Variants in KCNIP1 observed in about 807,000 individuals in gnomAD.
KCNIP1 encodes the protein A-type potassium channel modulatory protein KCNIP1.
In KCNIP1, 18 loss-of-function variants were observed where a neutral mutation model predicts 33.0. The observed-to-expected ratio is 0.55, with a 90% CI of 0.38 to 0.81. The LOEUF is 0.81. KCNIP1 is among the 30% of genes least tolerant of loss of function. KCNIP1 has a pLI of 0.00. For missense variants in KCNIP1, 238 were observed against 271.6 expected (o/e 0.88, Z 0.87); for synonymous variants, 93 against 98.3 (o/e 0.95, Z 0.32).
At chr5:170,533,542 C>T (rs1755860214) in intron 1 of KCNIP1, among the ~76,000 whole-genome samples, 1 of 152,196 alleles carries the variant, frequency 6.6e-6, no homozygotes, top group South Asian at 2.1e-4. Context: ...GCAGGTGGCA[C>T]AGTGCCTGGA....
intron 1 of KCNIP1, among the ~76,000 whole-genome samples, chr5:170,607,376 C>G (rs889913813): frequency 6.6e-6 from 1 of 152,170 alleles, no homozygotes; most frequent in Non-Finnish European, 1.5e-5. Flanking sequence ...TTTATCTAAG[C>G]ATCATTATCA....
intron 1 of KCNIP1, among the ~76,000 whole-genome samples, chr5:170,611,836 A>G (rs1442350370): frequency 6.6e-6 from 1 of 152,226 alleles, no homozygotes; most frequent in African/African-American, 2.4e-5. Context: ...AGAAGGGAGA[A>G]TCGCTACTGA....
intron 1 of KCNIP1, among the ~76,000 whole-genome samples, chr5:170,663,445 A>G (rs1427732437): frequency 2.0e-5 from 3 of 152,158 alleles, no homozygotes; most frequent in Non-Finnish European, 4.4e-5. Flanking sequence ...CAGCAGCTGC[A>G]CCAGGCCAGC....
At chr5:170,616,731 C>G (rs1265384376) in intron 1 of KCNIP1, among the ~76,000 whole-genome samples, 2 of 152,206 alleles carry the variant, frequency 1.3e-5, no homozygotes, top group Admixed American at 1.3e-4. Context: ...CCACACTGCA[C>G]CTTCATCCAG....
intron 1 of KCNIP1, among the ~76,000 whole-genome samples, chr5:170,495,699 A>G (rs911865567): frequency 5.9e-5 from 9 of 152,182 alleles, no homozygotes; most frequent in Non-Finnish European, 1.2e-4. Context: ...AGATGTGACC[A>G]TTGTTTCCGT....
rs917219582 is a variant in KCNIP1, at chr5:170,378,555, G to T, written c.88+24591G>T. ...TGACTTCACAAAAGGATTTCTCAAA[G>T]GTTAGTCCTGCAACAGAAGACAGCG... On this transcript the variant is annotated intron_variant, in intron 1 of 7. Transcript: ENST00000377360. The T allele has an allele frequency of 1.4e-5, 12 of 858,436 alleles. No individual in the cohort carries two copies. The African/African-American group carries it at 1.9e-4, about 13-fold the overall frequency. The allele number at this position is 858,436 out of a possible 1,614,324, so 53.2% of individuals were successfully genotyped here.
At chr5:170,716,502 G>A (rs1368013247) in intron 1 of KCNIP1, among the ~76,000 whole-genome samples, 4 of 152,150 alleles carry the variant, frequency 2.6e-5, no homozygotes, top group Non-Finnish European at 2.9e-5. Flanking sequence ...CACAACCGAT[G>A]TTACCACAGC....
intron 2 of KCNIP1, among the ~76,000 whole-genome samples, 177 bp downstream of exon 2, chr5:170,719,059 G>A (rs1039767446): frequency 1.2e-4 from 18 of 152,134 alleles, no homozygotes; most frequent in Non-Finnish European, 5.9e-5. Flanking sequence ...GGCTCCAGGC[G>A]AGGATGGAGC....
intron 1 of KCNIP1, among the ~76,000 whole-genome samples, chr5:170,476,560 C>G (rs191826319): frequency 0.065 from 9,910 of 152,108 alleles, 642 homozygotes; most frequent in African/African-American, 0.15. Context: ...TAAAAAATAG[C>G]AGTATGACAA....
intron 1 of KCNIP1, among the ~76,000 whole-genome samples, chr5:170,573,166 T>C (rs28669867): frequency 0.073 from 11,104 of 152,274 alleles, 603 homozygotes; most frequent in African/African-American, 0.15. Context: ...AACAATTTCT[T>C]TTGCAGAAAC....
chr5:170,523,884 A>G (rs1755467416), intron 1 of KCNIP1, among the ~76,000 whole-genome samples: 1 of 152,106 alleles, frequency 6.6e-6, no homozygotes, highest in Non-Finnish European at 1.5e-5. Context: ...GACCTCCACT[A>G]GGAACCCAGG....
At chr5:170,374,777 A>ATTCCCATTAT (rs1554087252) in intron 1 of KCNIP1, 63 of 152,194 alleles carry the variant, frequency 4.1e-4, no homozygotes, top group African/African-American at 1.4e-3. Context: ...TCATGCCTAA[A>ATTCCCATTAT]TTCCCATTAT....
Position 170,504,735 on chromosome 5 carries a change from C to G in KCNIP1, c.61+102C>G. 2.1e-6 allele frequency: 2 copies of G among 955,488 alleles called. No individual in the cohort carries two copies. Among genetic ancestry groups the G allele is most frequent in the Non-Finnish European group, 3.4e-6 (2 of 592,982 alleles). The allele number at this position is 955,488 out of a possible 1,614,324, so 59.2% of individuals were successfully genotyped here. On this transcript the variant is annotated intron_variant, in intron 1 of 7. Transcript: ENST00000328939. This position sits in a 1 kb window ranked among gnomAD's most constrained non-coding sequence, Gnocchi z 6.0. ...CTCCCTTAGTCCGGACTCTCCTCTC[C>G]ACGAGGAGCCCGGACAGGTGCTTGT...
At chr5:170,592,589 C>T (rs1039979075) in intron 1 of KCNIP1, among the ~76,000 whole-genome samples, 3 of 152,210 alleles carry the variant, frequency 2.0e-5, no homozygotes, top group African/African-American at 7.2e-5. Flanking sequence ...GGTTTGAAAT[C>T]AGAGACTACT....
intron 1 of KCNIP1, among the ~76,000 whole-genome samples, chr5:170,689,225 G>A (rs1380297906): frequency 6.6e-6 from 1 of 152,152 alleles, no homozygotes; most frequent in East Asian, 1.9e-4. Context: ...TACATGAATT[G>A]ACTCTAGAAC....
At chr5:170,359,689 T>TGTTC (rs2113284593) in intron 1 of KCNIP1, among the ~76,000 whole-genome samples, 1 of 152,284 alleles carries the variant, frequency 6.6e-6, no homozygotes, top group South Asian at 2.1e-4. Flanking sequence ...GAGGGGCATG[T>TGTTC]GTTCACCTTG....
intron 1 of KCNIP1, among the ~76,000 whole-genome samples, chr5:170,575,653 C>T (rs1207203741): frequency 1.3e-5 from 2 of 152,170 alleles, no homozygotes; most frequent in African/African-American, 4.8e-5. Context: ...CAAAATCACC[C>T]CTCACTTAGT....
At chr5:170,587,813 T>TAA (rs1430046140) in intron 1 of KCNIP1, among the ~76,000 whole-genome samples, 2 of 152,234 alleles carry the variant, frequency 1.3e-5, no homozygotes, top group Non-Finnish European at 2.9e-5. Context: ...TCTTACCATG[T>TAA]AAGGTAACAT....
intron 1 of KCNIP1, among the ~76,000 whole-genome samples, chr5:170,632,210 T>G (rs1718354999): frequency 6.6e-6 from 1 of 152,024 alleles, no homozygotes; most frequent in Non-Finnish European, 1.5e-5. Context: ...CGAGGGAAAA[T>G]GAATACCCAG....
Sources: allele counts gnomAD v4.1 joint callset (sites outside exome capture counted in the v4.1 genomes callset), GRCh38; gene constraint gnomAD v4.1.1; non-coding constraint Gnocchi (gnomAD v3.1); transcripts MANE v1.5; gene names NCBI Gene and HGNC (gene_info 2026-07-23, HGNC 2026-07-21).